SESN3: variants seen among roughly 807,000 people sequenced by gnomAD.
SESN3 encodes sestrin 3.
SESN3 carries 21 observed loss-of-function variants against 55.3 expected under a neutral mutation model. The observed-to-expected ratio is 0.38, with a 90% CI of 0.27 to 0.55. The LOEUF is 0.55. Ranked by LOEUF, SESN3 falls within the 20% of genes least tolerant of loss-of-function variation. The probability of loss-of-function intolerance (pLI) is 0.76; values close to 1 mark genes in which losing one functional copy is unlikely to be tolerated. For missense variants in SESN3, 408 were observed against 604.3 expected (o/e 0.68, Z 3.41); for synonymous variants, 181 against 203.1 (o/e 0.89, Z 0.93).
At position 95,177,745 on chromosome 11, in the gene SESN3, G is replaced by A. The variant is rs1260077702; in HGVS notation, c.1221C>T (p.Asn407=). The A allele has an allele frequency of 1.9e-6, 3 of 1,610,974 alleles. No homozygotes were observed. The highest frequency in any genetic ancestry group is 3.4e-5 in the Admixed American group (2 of 59,358). ...DTTMLRRALF[N]YVHCMFGIRY... ...TGATTCCAAACATACAGTGAACATA[G>A]TTAAATAAAGCTCTGCGCAGCATGG... The change falls in exon 8 of 10, where the codon AAC becomes AAT. Residue 407 remains asparagine (N), a synonymous_variant. Transcript: ENST00000536441.
Position 95,209,756 on chromosome 11 carries a change from C to T in SESN3, c.79-16234G>A, listed in dbSNP as rs1022318874. Among the ~76,000 whole-genome samples the T allele has an allele frequency of 9.3e-5, 14 of 151,082 alleles. 1 individual carries two copies. The highest frequency in any genetic ancestry group is 2.1e-4 in the Non-Finnish European group (14 of 67,702). The stretch of plus-strand genomic sequence containing the variant: ...GTTTGGCCAGGCGTGGTGGCTCACA[C>T]CTGTAATCTCAGCACTTTGGGAGGC... On this transcript the variant is annotated intron_variant, in intron 1 of 9. Coordinates refer to ENST00000536441, the MANE Select transcript of SESN3 (RefSeq NM_144665.4).
intron 6 of SESN3, chr11:95,182,252 A>ACAC (rs1860071172): frequency 4.4e-6 from 1 of 226,734 alleles, no homozygotes; most frequent in East Asian, 1.4e-4. Context: ...TTCTGAAAAC[A>ACAC]CACAGATATT....
chr11:95,224,581 G>A, intron 1 of SESN3: 1 of 313,464 alleles, frequency 3.2e-6, no homozygotes, highest in South Asian at 2.6e-5. Flanking sequence ...TTCAAATACT[G>A]ACAAATTTTA....
chr11:95,198,133 C>A (rs1338628629), intron 1 of SESN3, among the ~76,000 whole-genome samples: 8 of 152,074 alleles, frequency 5.3e-5, no homozygotes, highest in Non-Finnish European at 1.5e-5. Flanking sequence ...CCAACTAAAT[C>A]TTTAAGTCAT....
chr11:95,187,456 C>T (rs1432650743), intron 4 of SESN3, among the ~76,000 whole-genome samples: 1 of 151,876 alleles, frequency 6.6e-6, no homozygotes, highest in African/African-American at 2.4e-5. Flanking sequence ...AAGCAAACTC[C>T]AGAAGCTACA....
At position 95,167,953 on chromosome 11, in the gene SESN3, A is replaced by T. The variant is rs2134202097; in HGVS notation, c.*5302T>A. 1 of 152,144 alleles carries T rather than the reference A, an allele frequency of 6.6e-6. No homozygotes were observed. The highest frequency in any genetic ancestry group is 1.9e-4 in the East Asian group (1 of 5,200). 9.4% of individuals were successfully genotyped at this position (152,144 alleles called of 1,614,324 possible). A position where few individuals can be genotyped will look rare whatever the true frequency, so the allele number is the denominator to read the frequency against. ...AGTCAATGCATTTTCTTTTCATCCC[A>T]TGGAACATTTTTTTTCCTCCCATAA... is the stretch of plus-strand genomic sequence containing the variant. On this transcript the variant is annotated 3_prime_UTR_variant, in exon 10 of 10. Transcript: ENST00000536441.
At chr11:95,179,280 G>A (rs1036265581) in intron 6 of SESN3, among the ~76,000 whole-genome samples, 7 of 151,820 alleles carry the variant, frequency 4.6e-5, no homozygotes, top group African/African-American at 9.7e-5. Context: ...TCAGCCTCCC[G>A]AGTAGCTGGG....
In SESN3 at chr11:95,191,386, A is replaced by G. The variant is rs1805515609; in HGVS notation, c.342+18T>C. On this transcript the variant is annotated intron_variant, in intron 3 of 9. Transcript: ENST00000536441. Reference sequence around the variant, plus strand: ...AGTGAGGAAGGTGTTATGTGAACATAGGAAAATAAGCACCCACCATTATTG... The same window carrying G: ...AGTGAGGAAGGTGTTATGTGAACATGGGAAAATAAGCACCCACCATTATTG... The G allele has an allele frequency of 4.4e-6, 7 of 1,581,120 alleles. No homozygotes were observed. Among genetic ancestry groups the G allele is most frequent in the Middle Eastern group, 3.3e-4 (2 of 5,990 alleles).
chr11:95,176,925 G>A (rs1413089426), intron 8 of SESN3, among the ~76,000 whole-genome samples: 1 of 152,046 alleles, frequency 6.6e-6, no homozygotes, highest in African/African-American at 2.4e-5. Context: ...ATGGAATATC[G>A]TGTTATTAGG....
At position 95,173,281 on chromosome 11, in the gene SESN3, G is replaced by A. The variant is rs766496091; in HGVS notation, c.1453C>T (p.Arg485Cys). ...CAGGTCAAATGCCGAGTTATGGCAC[G>A]AAGAGCATAAAGAAGTTCAGCTTGC... ...RMQAELLYAL[R>C]AITRHLT Residue 485 changes from arginine to cysteine, a missense_variant, in exon 10 of 10, where the codon CGT becomes TGT. Coordinates refer to ENST00000536441, the MANE Select transcript of SESN3 (RefSeq NM_144665.4). The A allele has an allele frequency of 3.2e-6, 5 of 1,581,158 alleles. No individual in the cohort carries two copies. The highest frequency in any genetic ancestry group is 4.5e-5 in the East Asian group (2 of 44,594).
intron 1 of SESN3, among the ~76,000 whole-genome samples, chr11:95,210,085 G>A (rs1295638395): frequency 6.6e-6 from 1 of 150,818 alleles, no homozygotes; most frequent in South Asian, 2.1e-4. Context: ...GATGAAGCTG[G>A]AAACCATCAT....
At chr11:95,224,051 C>T (rs184442274) in intron 1 of SESN3, among the ~76,000 whole-genome samples, 1 of 152,224 alleles carries the variant, frequency 6.6e-6, no homozygotes, top group East Asian at 1.9e-4. Flanking sequence ...TTACATTTTG[C>T]AAATCTCTTT....
chr11:95,220,902 T>C (rs1417638227), intron 1 of SESN3, among the ~76,000 whole-genome samples: 1 of 152,212 alleles, frequency 6.6e-6, no homozygotes, highest in Non-Finnish European at 1.5e-5. Flanking sequence ...CGCAGGTTAA[T>C]TGTGATGCTT....
chr11:95,171,092 A>C lies in SESN3; in HGVS notation c.*2163T>G, dbSNP rs181324452. ...TTATCCTGTTATACAGTTCGCCTGCACAAAAATATAGGGCTATTAATTGAA... is the reference window on the plus strand; with the variant it reads ...TTATCCTGTTATACAGTTCGCCTGCCCAAAAATATAGGGCTATTAATTGAA... On this transcript the variant is annotated 3_prime_UTR_variant, in exon 10 of 10. Transcript: ENST00000536441. 6.6e-6 allele frequency: 1 copy of C among 152,310 alleles called. No individual in the cohort carries two copies. The highest frequency in any genetic ancestry group is 2.4e-5 in the African/African-American group (1 of 41,572). The allele number at this position is 152,310 out of a possible 1,614,324, so 9.4% of individuals were successfully genotyped here. A position where few individuals can be genotyped will look rare whatever the true frequency, so the allele number is the denominator to read the frequency against.
chr11:95,194,648 C>G (rs1208575456), intron 1 of SESN3, among the ~76,000 whole-genome samples: 1 of 152,038 alleles, frequency 6.6e-6, no homozygotes, highest in Non-Finnish European at 1.5e-5. Flanking sequence ...ACAAAGGCCT[C>G]AATCTCCTGG....
chr11:95,170,469 G>A lies in SESN3; in HGVS notation c.*2786C>T, dbSNP rs1296899188. On this transcript the variant is annotated 3_prime_UTR_variant, in exon 10 of 10. Transcript: ENST00000536441. ...CACATTTAAGTTTGGCACAATGTGA[G>A]CGCAAGGTGTAGATCAGCATATTGC... 3 of 152,156 alleles carry A rather than the reference G, an allele frequency of 2.0e-5. No individual in the cohort carries two copies. Among genetic ancestry groups the A allele is most frequent in the Non-Finnish European group, 4.4e-5 (3 of 68,022 alleles). The allele number at this position is 152,156 out of a possible 1,614,324, so 9.4% of individuals were successfully genotyped here. A position where few individuals can be genotyped will look rare whatever the true frequency, so the allele number is the denominator to read the frequency against.
intron 1 of SESN3, among the ~76,000 whole-genome samples, chr11:95,219,351 A>G (rs1339154958): frequency 5.3e-5 from 8 of 152,082 alleles, no homozygotes; most frequent in Non-Finnish European, 7.4e-5. Flanking sequence ...ACTGGAGCAC[A>G]TTTGCTGGAC....
In SESN3 at chr11:95,189,779, C is replaced by T; in HGVS notation, c.525G>A (p.Gln175=). 1 of 1,596,834 alleles carries T rather than the reference C, an allele frequency of 6.3e-7. No homozygotes were observed. The highest frequency in any genetic ancestry group is 8.5e-7 in the Non-Finnish European group (1 of 1,172,924). The part of the protein sequence containing the change: ...RPWLITKEHI[Q]KLVKTGENNW... ...TTTATTTCAAAGAAACATTCAGTACCTGAATGTGCTCTTTTGTGATCAGCC... is the reference window on the plus strand; with the variant it reads ...TTTATTTCAAAGAAACATTCAGTACTTGAATGTGCTCTTTTGTGATCAGCC... Residue 175 remains glutamine (Q), a splice_region_variant and synonymous_variant, in exon 4 of 10, where the codon CAG becomes CAA. Transcript: ENST00000536441.
chr11:95,202,433 A>T (rs1860475938), intron 1 of SESN3, among the ~76,000 whole-genome samples: 1 of 152,040 alleles, frequency 6.6e-6, no homozygotes. Context: ...CAATCTACTT[A>T]CTGTCTTCCA....
Sources: allele counts gnomAD v4.1 joint callset (sites outside exome capture counted in the v4.1 genomes callset), GRCh38; gene constraint gnomAD v4.1.1; transcripts MANE v1.5; gene names NCBI Gene and HGNC (gene_info 2026-07-23, HGNC 2026-07-21).